IPCEF1: variants seen among roughly 807,000 people sequenced by gnomAD.
IPCEF1 encodes interaction protein for cytohesin exchange factors 1.
A neutral mutation model predicts 50.9 loss-of-function variants in IPCEF1; 31 were observed. The ratio of observed to expected loss-of-function variants is 0.61; its 90% CI spans 0.46 to 0.82. The LOEUF (loss-of-function observed/expected upper bound fraction) is 0.82. Among genes scored for constraint, IPCEF1 ranks in the 40% least tolerant of loss-of-function variants. The pLI is 0.00. For synonymous variants in IPCEF1, 181 were observed against 192.0 expected, an observed-to-expected ratio of 0.94 and a Z score of 0.47; for missense variants, 458 against 514.0, an observed-to-expected ratio of 0.89 and a Z score of 1.05.
chr6:154,199,739 G>T lies in IPCEF1; in HGVS notation c.839C>A (p.Ser280Tyr), dbSNP rs1776917631. 1.9e-6 allele frequency: 3 copies of T among 1,614,050 alleles called. No individual in the cohort carries two copies. Among genetic ancestry groups the T allele is most frequent in the Admixed American group, 3.3e-5 (2 of 60,006 alleles). ...FLNSLSSDDT[S>Y]SLSSNHDHLT... ...ATGGTCATGATTGCTACTCAATGAA[G>T]AAGTATCATCACTAGATAAAGAGTT... is the stretch of plus-strand genomic sequence containing the variant. Residue 280 changes from serine (S) to tyrosine (Y), a missense_variant, in exon 10 of 12, where the codon TCT (serine) becomes TAT (tyrosine). By Grantham distance (144) the Ser-to-Tyr change is moderately radical. Transcript: ENST00000367220.
At chr6:154,177,873 A>G (rs1418140746) in intron 10 of IPCEF1, among the ~76,000 whole-genome samples, 1 of 152,214 alleles carries the variant, frequency 6.6e-6, no homozygotes, top group African/African-American at 2.4e-5. Flanking sequence ...ACAATAGCAA[A>G]GACTTGTAAC....
chr6:154,320,679 C>T (rs1473495963), intron 1 of IPCEF1, among the ~76,000 whole-genome samples: 5 of 152,038 alleles, frequency 3.3e-5, no homozygotes, highest in African/African-American at 1.2e-4. Flanking sequence ...ACCAATTGTG[C>T]GTGAATGAAG....
At chr6:154,194,090 C>T (rs757254069) in intron 10 of IPCEF1, among the ~76,000 whole-genome samples, 2 of 152,198 alleles carry the variant, frequency 1.3e-5, no homozygotes, top group South Asian at 2.1e-4. Context: ...TTAATACCCG[C>T]TCCTCAACGT....
chr6:154,164,890 T>G (rs1034584643), intron 11 of IPCEF1, among the ~76,000 whole-genome samples: 1 of 152,340 alleles, frequency 6.6e-6, no homozygotes, highest in Admixed American at 6.5e-5. Flanking sequence ...CATAATACGA[T>G]CAACTTTTGC....
intron 1 of IPCEF1, among the ~76,000 whole-genome samples, chr6:154,319,125 C>A (rs550313977): frequency 1.3e-5 from 2 of 152,100 alleles, no homozygotes; most frequent in Non-Finnish European, 2.9e-5. Context: ...ACCAATTGTG[C>A]GTGAATGAAG....
chr6:154,249,065 C>T (rs947355570), intron 3 of IPCEF1, among the ~76,000 whole-genome samples: 1 of 151,814 alleles, frequency 6.6e-6, no homozygotes, highest in Admixed American at 6.6e-5. Flanking sequence ...AAAATTTATC[C>T]CCCCCAAAAT....
chr6:154,240,528 A>T (rs1040392736), intron 5 of IPCEF1, among the ~76,000 whole-genome samples: 3 of 152,024 alleles, frequency 2.0e-5, no homozygotes, highest in African/African-American at 7.2e-5. Flanking sequence ...AGCTGAAAAA[A>T]AAAAAGGTAC....
intron 5 of IPCEF1, among the ~76,000 whole-genome samples, chr6:154,235,235 A>T (rs1780021466): frequency 6.6e-6 from 1 of 152,214 alleles, no homozygotes; most frequent in Non-Finnish European, 1.5e-5. Context: ...AATATTAGAG[A>T]TTTAGAAGTA....
In IPCEF1 at chr6:154,259,607, G is replaced by A. The variant is rs751426989; in HGVS notation, c.36+6305C>T. On this transcript the variant is annotated intron_variant, in intron 3 of 11. Transcript: ENST00000367220. ...GCAGAGGTTGTGGTGAACCGAGATC[G>A]CTCCATTGCACTCCAGCCTGGGCAA... 7.9e-5 allele frequency among the ~76,000 whole-genome samples: 12 copies of A among 152,090 alleles called. 1 individual carries two copies. The highest frequency in any genetic ancestry group is 1.9e-4 in the East Asian group (1 of 5,198).
chr6:154,353,066 G>A (rs1784144445), intron 1 of IPCEF1, among the ~76,000 whole-genome samples: 1 of 152,110 alleles, frequency 6.6e-6, no homozygotes, highest in Admixed American at 6.6e-5. Context: ...GTGGGACCAC[G>A]TTTCCTTTTT....
intron 1 of IPCEF1, among the ~76,000 whole-genome samples, chr6:154,349,863 A>G (rs1485552321): frequency 6.6e-6 from 1 of 152,228 alleles, no homozygotes; most frequent in Non-Finnish European, 1.5e-5. Flanking sequence ...AGGAGAAAAA[A>G]GATATTTTTA....
chr6:154,301,321 T>G (rs762256690), intron 1 of IPCEF1, among the ~76,000 whole-genome samples: 17 of 152,150 alleles, frequency 1.1e-4, no homozygotes, highest in Non-Finnish European at 2.2e-4. Context: ...GGCCATGCAC[T>G]GGTAGGATCT....
At chr6:154,349,105 T>C (rs6919243) in intron 1 of IPCEF1, among the ~76,000 whole-genome samples, 45,251 of 151,952 alleles carry the variant, frequency 0.3, 6,979 homozygotes, top group African/African-American at 0.33. Context: ...GAGTGAATAA[T>C]GTTAAATTAA....
chr6:154,307,253 T>C (rs1385085229), intron 1 of IPCEF1, among the ~76,000 whole-genome samples: 1 of 152,100 alleles, frequency 6.6e-6, no homozygotes, highest in African/African-American at 2.4e-5. Context: ...GTCTTTCCTG[T>C]GCTGTTCTCA....
At chr6:154,314,019 A>G (rs1484474441) in intron 1 of IPCEF1, among the ~76,000 whole-genome samples, 1 of 152,118 alleles carries the variant, frequency 6.6e-6, no homozygotes, top group African/African-American at 2.4e-5. Flanking sequence ...AAATGCTGGG[A>G]TTACAGGTGT....
chr6:154,166,887 T>A (rs1397816193), intron 11 of IPCEF1, among the ~76,000 whole-genome samples: 1 of 152,244 alleles, frequency 6.6e-6, no homozygotes, highest in Non-Finnish European at 1.5e-5. Flanking sequence ...TTATTATCGA[T>A]AAAAATTTTA....
intron 9 of IPCEF1, among the ~76,000 whole-genome samples, chr6:154,202,057 T>G (rs1201987786): frequency 1.3e-5 from 2 of 152,212 alleles, no homozygotes; most frequent in African/African-American, 2.4e-5. Flanking sequence ...CCCAGGAAAT[T>G]TGTAGATTCT....
chr6:154,292,961 T>A (rs1782549947), intron 1 of IPCEF1, among the ~76,000 whole-genome samples: 1 of 152,260 alleles, frequency 6.6e-6, no homozygotes, highest in South Asian at 2.1e-4. Context: ...CACTTCCTCC[T>A]ACATTCCAAA....
chr6:154,282,670 G>C (rs1782253400), intron 2 of IPCEF1, among the ~76,000 whole-genome samples: 1 of 152,068 alleles, frequency 6.6e-6, no homozygotes, highest in South Asian at 2.1e-4. Flanking sequence ...CTGGGCAAAA[G>C]AGCGAGACTC....
Sources: allele counts gnomAD v4.1 joint callset (sites outside exome capture counted in the v4.1 genomes callset), GRCh38; gene constraint gnomAD v4.1.1; transcripts MANE v1.5; gene names NCBI Gene and HGNC (gene_info 2026-07-23, HGNC 2026-07-21).